Variants in ATF2 observed in about 807,000 individuals in gnomAD.
ATF2 encodes the protein activating transcription factor 2.
ATF2 carries 24 observed loss-of-function variants against 60.6 expected under a neutral mutation model. The ratio of observed to expected loss-of-function variants is 0.40; its 90% CI spans 0.29 to 0.56. The LOEUF (loss-of-function observed/expected upper bound fraction) is 0.56. Ranked by LOEUF, ATF2 falls within the 20% of genes least tolerant of loss-of-function variation. The probability of loss-of-function intolerance (pLI) is 0.54; values close to 1 mark genes in which losing one functional copy is unlikely to be tolerated. For missense variants in ATF2, 433 were observed against 607.7 expected (o/e 0.71, Z 3.02); for synonymous variants, 206 against 215.4 (o/e 0.96, Z 0.38).
At position 175,080,733 on chromosome 2, in the gene ATF2, T is replaced by C; in HGVS notation, c.1218A>G (p.Ala406=). The change falls in exon 13 of 14, where the codon GCA becomes GCG. Residue 406 remains alanine, a synonymous_variant. Coordinates refer to ENST00000264110, the MANE Select transcript of ATF2 (RefSeq NM_001880.4). ...SEVTLLRNEV[A]QLKQLLLAHK... ...GAGCCAGAAGAAGCTGTTTCAGCTG[T>C]GCCACTTCATTTCTCAGCAGGGTGA... is the stretch of plus-strand genomic sequence containing the variant. 1 of 1,613,156 alleles carries C rather than the reference T, an allele frequency of 6.2e-7. No homozygotes were observed. The highest frequency in any genetic ancestry group is 8.5e-7 in the Non-Finnish European group (1 of 1,179,380).
intron 4 of ATF2, chr2:175,126,762 T>G (rs1431577945): frequency 2.6e-5 from 4 of 152,146 alleles, no homozygotes; most frequent in African/African-American, 7.2e-5. Context: ...TCTCCAAGAA[T>G]GATATCTAGA....
At chr2:175,159,647 C>T (rs903704706) in intron 1 of ATF2, among the ~76,000 whole-genome samples, 5 of 152,100 alleles carry the variant, frequency 3.3e-5, no homozygotes, top group African/African-American at 1.2e-4. Context: ...TTCAATATCT[C>T]AAAAATATTC....
At position 175,097,472 on chromosome 2, in the gene ATF2, T is replaced by C. The variant is rs1695009651; in HGVS notation, c.950A>G (p.Gln317Arg). 6.2e-7 allele frequency: 1 copy of C among 1,614,014 alleles called. No individual in the cohort carries two copies. The highest frequency in any genetic ancestry group is 1.7e-5 in the Admixed American group (1 of 59,984). Residue 317 changes from glutamine (Q) to arginine (R), a missense_variant, in exon 11 of 14, where the codon CAG becomes CGG. By Grantham distance (43) the Gln-to-Arg change is conservative. Around this residue, in one of 5 missense-constraint regions of ATF2, gnomAD observed 246 missense variants for 309.3 expected, o/e 0.80. Coordinates refer to ENST00000264110, the MANE Select transcript of ATF2 (RefSeq NM_001880.4). ...SEESRPQSLQ[Q>R]PATSTTETPA... ...AGTTTCTGTAGTGGATGTGGCTGGC[T>C]GTTGTAATGACTGCGGTCGAGATTC...
chr2:175,135,117 G>T (rs1698049838), intron 3 of ATF2, among the ~76,000 whole-genome samples: 1 of 150,984 alleles, frequency 6.6e-6, no homozygotes, highest in African/African-American at 2.4e-5. Flanking sequence ...GGAGGAGGAG[G>T]AACAAGTGGA....
At chr2:175,103,327 C>A (rs2105633248) in intron 10 of ATF2, among the ~76,000 whole-genome samples, 1 of 152,290 alleles carries the variant, frequency 6.6e-6, no homozygotes, top group African/African-American at 2.4e-5. Flanking sequence ...ACAGCATAAT[C>A]TTCTAAATTC....
At chr2:175,150,199 AC>A (rs1699216317) in intron 2 of ATF2, among the ~76,000 whole-genome samples, 1 of 152,144 alleles carries the variant, frequency 6.6e-6, no homozygotes, top group Admixed American at 6.5e-5. Context: ...AAATGTATTG[AC>A]AGATTTAAAT....
chr2:175,160,102 C>T (rs776076685), intron 1 of ATF2, among the ~76,000 whole-genome samples: 5 of 152,164 alleles, frequency 3.3e-5, no homozygotes, highest in East Asian at 1.9e-4. Flanking sequence ...AATACACTAC[C>T]GGCTTGGTGT....
chr2:175,145,587 T>A (rs1574478527), intron 2 of ATF2, among the ~76,000 whole-genome samples: 1 of 152,190 alleles, frequency 6.6e-6, no homozygotes, highest in Admixed American at 6.5e-5. Context: ...TATTTCTTTA[T>A]AGCAATGCAA....
chr2:175,147,549 T>C (rs967447566), intron 2 of ATF2, among the ~76,000 whole-genome samples: 1 of 152,220 alleles, frequency 6.6e-6, no homozygotes, highest in African/African-American at 2.4e-5. Flanking sequence ...CTAAATGTTA[T>C]AGATAATACA....
rs769608710 is a variant in ATF2 at position 175,097,468 on chromosome 2, T to A, written c.954A>T (p.Pro318=). The A allele has an allele frequency of 3.7e-6, 6 of 1,614,134 alleles. No individual in the cohort carries two copies. The East Asian group carries it at 1.3e-4, about 36-fold the overall frequency. Residue 318 remains proline (P), a synonymous_variant, in exon 11 of 14, where the codon CCA becomes CCT. Coordinates refer to ENST00000264110, the MANE Select transcript of ATF2 (RefSeq NM_001880.4). ...EESRPQSLQQ[P]ATSTTETPAS... ...CCGGAGTTTCTGTAGTGGATGTGGCTGGCTGTTGTAATGACTGCGGTCGAG... is the reference window on the plus strand; with the variant it reads ...CCGGAGTTTCTGTAGTGGATGTGGCAGGCTGTTGTAATGACTGCGGTCGAG...
chr2:175,124,656 CTG>C (rs966995630), intron 4 of ATF2, among the ~76,000 whole-genome samples: 2 of 151,758 alleles, frequency 1.3e-5, no homozygotes, highest in Admixed American at 6.6e-5. Context: ...GATATATTCA[CTG>C]TCTCTCTCAT....
intron 10 of ATF2, among the ~76,000 whole-genome samples, chr2:175,108,310 CG>C (rs1559072928): frequency 1.3e-5 from 2 of 151,790 alleles, no homozygotes; most frequent in African/African-American, 4.8e-5. Flanking sequence ...CCACCCCGTC[CG>C]GGAGGGAGGT....
Position 175,074,761 on chromosome 2 carries a change from A to G in ATF2, c.1366T>C (p.Ser456Pro). ...CTGACTCCATTGGATGTGCTGACCG[A>G]ACTATGCTGTATAGCTTCTGTATGT... is the stretch of plus-strand genomic sequence containing the variant. ...SPHTEAIQHS[S>P]VSTSNGVSST... The change falls in exon 14 of 14, where the codon TCG becomes CCG. Residue 456 changes from serine (S) to proline (P), a missense_variant. Transcript: ENST00000264110. 6.2e-7 allele frequency: 1 copy of G among 1,613,602 alleles called. No homozygotes were observed. Among genetic ancestry groups the G allele is most frequent in the Non-Finnish European group, 8.5e-7 (1 of 1,179,718 alleles).
intron 13 of ATF2, among the ~76,000 whole-genome samples, chr2:175,079,410 T>A (rs1693608336): frequency 6.6e-6 from 1 of 152,132 alleles, no homozygotes; most frequent in Non-Finnish European, 1.5e-5. Context: ...ATTATGTTGT[T>A]AAGTCAGATG....
intron 7 of ATF2, among the ~76,000 whole-genome samples, chr2:175,116,498 C>T (rs1385150874): frequency 6.6e-6 from 1 of 151,908 alleles, no homozygotes; most frequent in Non-Finnish European, 1.5e-5. Flanking sequence ...AAGGTAATGT[C>T]AAGATGGAGT....
chr2:175,142,802 A>G (rs901786994), intron 2 of ATF2, among the ~76,000 whole-genome samples: 3 of 136,756 alleles, frequency 2.2e-5, no homozygotes, highest in African/African-American at 8.4e-5. Flanking sequence ...GAGAAACAGA[A>G]AGAGAGAGCA....
At chr2:175,111,952 T>C (rs567762975) in intron 9 of ATF2, among the ~76,000 whole-genome samples, 41 of 152,318 alleles carry the variant, frequency 2.7e-4, no homozygotes, top group African/African-American at 7.5e-4. Flanking sequence ...TTCTCAAAGA[T>C]CTGTCAAACT....
chr2:175,145,454 C>T (rs1409348897), intron 2 of ATF2, among the ~76,000 whole-genome samples: 1 of 152,146 alleles, frequency 6.6e-6, no homozygotes, highest in Non-Finnish European at 1.5e-5. Context: ...TTGCCTTCTG[C>T]CATGAGTAAA....
At chr2:175,167,210 C>T (rs999276825) in intron 1 of ATF2, among the ~76,000 whole-genome samples, 2 of 151,958 alleles carry the variant, frequency 1.3e-5, no homozygotes, top group Non-Finnish European at 2.9e-5. Flanking sequence ...TTCGGTTAAA[C>T]GAGCGAACAT....
Sources: allele counts gnomAD v4.1 joint callset (sites outside exome capture counted in the v4.1 genomes callset), GRCh38; gene constraint gnomAD v4.1.1; regional missense constraint gnomAD v4.1.1; transcripts MANE v1.5; gene names NCBI Gene and HGNC (gene_info 2026-07-23, HGNC 2026-07-21).